MECOM: variants seen among roughly 807,000 people sequenced by gnomAD.
MECOM encodes histone-lysine N-methyltransferase MECOM.
In MECOM, 13 loss-of-function variants were observed where a neutral mutation model predicts 116.3. That is an observed-to-expected ratio of 0.11 (90% CI 0.07 to 0.18). MECOM has a LOEUF of 0.18. MECOM is among the 10% of genes least tolerant of loss of function. MECOM has a pLI of 1.00. For missense variants in MECOM, 1,299 were observed against 1,509.0 expected, an observed-to-expected ratio of 0.86 and a Z score of 2.31; for synonymous variants, 528 against 535.2, an observed-to-expected ratio of 0.99 and a Z score of 0.19.
intron 1 of MECOM, among the ~76,000 whole-genome samples, chr3:169,542,630 T>A (rs930460896): frequency 1.3e-5 from 2 of 152,202 alleles, no homozygotes; most frequent in Non-Finnish European, 2.9e-5. Flanking sequence ...AGATCTCAAC[T>A]GTGAAGTATG....
chr3:169,643,762 G>C (rs532064650), intron 1 of MECOM, among the ~76,000 whole-genome samples: 1 of 152,138 alleles, frequency 6.6e-6, no homozygotes, highest in Non-Finnish European at 1.5e-5. Context: ...TTAGAATACA[G>C]CTTCCTATTT....
intron 2 of MECOM, among the ~76,000 whole-genome samples, chr3:169,272,171 C>A (rs1232689452): frequency 6.6e-6 from 1 of 152,184 alleles, no homozygotes; most frequent in Admixed American, 6.5e-5. Flanking sequence ...AACCCTTTGG[C>A]AGGGTGAATT....
chr3:169,650,579 C>T (rs1407743469), intron 1 of MECOM, among the ~76,000 whole-genome samples: 1 of 151,998 alleles, frequency 6.6e-6, no homozygotes, highest in Non-Finnish European at 1.5e-5. Context: ...ACAGATATAT[C>T]ACAGTGGATT....
intron 1 of MECOM, among the ~76,000 whole-genome samples, chr3:169,537,393 C>T (rs1759511941): frequency 6.6e-6 from 1 of 152,180 alleles, no homozygotes; most frequent in African/African-American, 2.4e-5. Context: ...CAAAAGCAAA[C>T]AACTTTACCT....
intron 1 of MECOM, chr3:169,389,554 T>C: frequency 1.0e-6 from 1 of 985,412 alleles, no homozygotes; most frequent in Non-Finnish European, 1.2e-6. Context: ...TTTAGCAACC[T>C]CTGATGGACC....
intron 2 of MECOM, chr3:169,146,682 G>T: frequency 7.7e-7 from 1 of 1,306,270 alleles, no homozygotes; most frequent in Non-Finnish European, 1.0e-6. Flanking sequence ...CTTTCACATC[G>T]CCCAGACTTT....
intron 1 of MECOM, among the ~76,000 whole-genome samples, chr3:169,437,157 A>G (rs1348159821): frequency 6.6e-6 from 1 of 152,206 alleles, no homozygotes; most frequent in East Asian, 1.9e-4. Context: ...CAGATAAGGA[A>G]ACCAAGGCTT....
At chr3:169,209,683 T>A (rs1182459324) in intron 2 of MECOM, among the ~76,000 whole-genome samples, 1 of 152,084 alleles carries the variant, frequency 6.6e-6, no homozygotes, top group Admixed American at 6.5e-5. Context: ...AGAATGGCAA[T>A]TATTAAAAAG....
intron 10 of MECOM, among the ~76,000 whole-genome samples, chr3:169,104,764 G>C (rs1231944610): frequency 6.6e-6 from 1 of 152,070 alleles, no homozygotes; most frequent in African/African-American, 2.4e-5. Flanking sequence ...CAAGTTATTT[G>C]AGAGCAATTG....
chr3:169,624,656 A>G (rs1227451852), intron 1 of MECOM, among the ~76,000 whole-genome samples: 2 of 152,184 alleles, frequency 1.3e-5, no homozygotes, highest in Admixed American at 1.3e-4. Context: ...ACCTAATGAG[A>G]CAGCCATTTA....
At chr3:169,578,702 A>G (rs1027618239) in intron 1 of MECOM, among the ~76,000 whole-genome samples, 1 of 152,122 alleles carries the variant, frequency 6.6e-6, no homozygotes, top group Non-Finnish European at 1.5e-5. Flanking sequence ...CATGTATTTA[A>G]CTTTTCAGAA....
At chr3:169,642,427 A>G (rs1773610403) in intron 1 of MECOM, among the ~76,000 whole-genome samples, 1 of 151,086 alleles carries the variant, frequency 6.6e-6, no homozygotes, top group Admixed American at 6.6e-5. Flanking sequence ...AGCCCGGGCA[A>G]CAGAGCGAGA....
At chr3:169,439,600 A>G (rs1743272870) in intron 1 of MECOM, among the ~76,000 whole-genome samples, 1 of 152,186 alleles carries the variant, frequency 6.6e-6, no homozygotes, top group South Asian at 2.1e-4. Context: ...ACCAAGTGGT[A>G]TAAACATGTG....
intron 1 of MECOM, among the ~76,000 whole-genome samples, chr3:169,614,546 C>T (rs1004564458): frequency 6.6e-6 from 1 of 152,102 alleles, no homozygotes; most frequent in African/African-American, 2.4e-5. Flanking sequence ...AAATCTGGCC[C>T]GGATTCCTTT....
chr3:169,326,650 T>C (rs1266306568), intron 2 of MECOM, among the ~76,000 whole-genome samples: 1 of 152,218 alleles, frequency 6.6e-6, no homozygotes, highest in Non-Finnish European at 1.5e-5. Context: ...TCGGAGTCTA[T>C]TTAAACATTT....
At chr3:169,432,654 T>C (rs1478669773) in intron 1 of MECOM, among the ~76,000 whole-genome samples, 1 of 152,232 alleles carries the variant, frequency 6.6e-6, no homozygotes, top group African/African-American at 2.4e-5. Context: ...CAAAAAGCCC[T>C]GTTAGGCTAT....
At chr3:169,090,267 T>G in intron 14 of MECOM, 31 bp from the exon 15 acceptor site, 1 of 1,563,306 alleles carries the variant, frequency 6.4e-7, no homozygotes. Context: ...AAAGTCCAAT[T>G]GTTGGTTTCA....
chr3:169,591,319 G>A (rs185638486), intron 1 of MECOM, among the ~76,000 whole-genome samples: 215 of 152,156 alleles, frequency 1.4e-3, no homozygotes, highest in African/African-American at 4.9e-3. Flanking sequence ...TTATAATGTG[G>A]GTTTAGTCAT....
intron 1 of MECOM, among the ~76,000 whole-genome samples, chr3:169,639,710 T>C (rs2110020911): frequency 6.6e-6 from 1 of 152,340 alleles, no homozygotes; most frequent in East Asian, 1.9e-4. Flanking sequence ...TAAAACCAAT[T>C]GCAATTTAAA....
Sources: allele counts gnomAD v4.1 joint callset (sites outside exome capture counted in the v4.1 genomes callset), GRCh38; gene constraint gnomAD v4.1.1; transcripts MANE v1.5; gene names NCBI Gene and HGNC (gene_info 2026-07-23, HGNC 2026-07-21).